PRKAR1B: variants seen among roughly 807,000 people sequenced by gnomAD.
PRKAR1B encodes protein kinase cAMP-dependent type I regulatory subunit beta.
In PRKAR1B, 22 loss-of-function variants were observed where a neutral mutation model predicts 46.5. The ratio of observed to expected loss-of-function variants is 0.47; its 90% confidence interval spans 0.34 to 0.68. PRKAR1B has a LOEUF of 0.68. Among genes scored for constraint, PRKAR1B ranks in the 30% least tolerant of loss-of-function variants. PRKAR1B has a pLI of 0.01. For missense variants in PRKAR1B, 445 were observed against 535.6 expected (o/e 0.83, Z 1.67); for synonymous variants, 259 against 217.7 (o/e 1.19, Z -1.67).
rs1784533153 is a variant in PRKAR1B, at chr7:644,454, C to T, written c.440+32775G>A. Among the ~76,000 whole-genome samples, 2 of 152,132 alleles carry T rather than the reference C, an allele frequency of 1.3e-5. No homozygotes were observed. The highest frequency in any genetic ancestry group is 4.8e-5 in the African/African-American group (2 of 41,430). On this transcript the variant is annotated intron_variant, in intron 4 of 10. Coordinates refer to ENST00000537384, the MANE Select transcript of PRKAR1B (RefSeq NM_001164760.2). The surrounding 1 kb of genome is among the most constrained non-coding windows in gnomAD (Gnocchi z 4.9). ...CTCCACGGGAAGCCCTCTCTGCCTGCAGGCTCTTGCATCAGGAGGGAAGCC... is the reference window on the plus strand; with the variant it reads ...CTCCACGGGAAGCCCTCTCTGCCTGTAGGCTCTTGCATCAGGAGGGAAGCC...
chr7:703,598 G>A (rs2128523659), intron 2 of PRKAR1B, among the ~76,000 whole-genome samples: 1 of 151,456 alleles, frequency 6.6e-6, no homozygotes, highest in South Asian at 2.1e-4. Context: ...GGAGCTTGGA[G>A]TGAGCCGAGA....
chr7:633,870 T>C (rs1255124673), intron 4 of PRKAR1B, among the ~76,000 whole-genome samples: 1 of 152,084 alleles, frequency 6.6e-6, no homozygotes, highest in African/African-American at 2.4e-5. Context: ...ACCCAAGACC[T>C]TGTAAACCAC....
At chr7:642,496 C>T (rs1234630579) in intron 4 of PRKAR1B, among the ~76,000 whole-genome samples, 2 of 152,082 alleles carry the variant, frequency 1.3e-5, no homozygotes, top group South Asian at 2.1e-4. Flanking sequence ...GGGGCCGAGG[C>T]GGGCGGATCA....
chr7:582,442 T>C (rs1255428226), intron 8 of PRKAR1B, among the ~76,000 whole-genome samples: 1 of 152,254 alleles, frequency 6.6e-6, no homozygotes, highest in African/African-American at 2.4e-5. Flanking sequence ...TTGGAGGACT[T>C]TGTGCCGATG....
rs1340104452 is a variant in PRKAR1B, at chr7:644,794, T to C, written c.440+32435A>G. 6.6e-6 allele frequency among the ~76,000 whole-genome samples: 1 copy of C among 152,098 alleles called. No individual in the cohort carries two copies. Among genetic ancestry groups the C allele is most frequent in the Admixed American group, 6.5e-5 (1 of 15,276 alleles). ...CTTCCCCCAGACACCTCCCATAGCC[T>C]TCCAGGGAAGCGGGCCCCAAAGAGG... On this transcript the variant is annotated intron_variant, in intron 4 of 10. Transcript: ENST00000537384. This position sits in a 1 kb window ranked among gnomAD's most constrained non-coding sequence, Gnocchi z 4.9.
At chr7:600,586 CG>C (rs1428094609) in intron 6 of PRKAR1B, among the ~76,000 whole-genome samples, 1 of 152,242 alleles carries the variant, frequency 6.6e-6, no homozygotes, top group Non-Finnish European at 1.5e-5. Flanking sequence ...CGCCCTGCTC[CG>C]GGGTACACCC....
At chr7:599,989 G>T (rs1468492075) in intron 6 of PRKAR1B, among the ~76,000 whole-genome samples, 1 of 151,166 alleles carries the variant, frequency 6.6e-6, no homozygotes, top group Non-Finnish European at 1.5e-5. Flanking sequence ...ACCTTCACTC[G>T]CTCACCCTCT....
At chr7:559,278 C>G (rs1430048500) in intron 9 of PRKAR1B, among the ~76,000 whole-genome samples, 1 of 152,176 alleles carries the variant, frequency 6.6e-6, no homozygotes, top group Non-Finnish European at 1.5e-5. Context: ...AAAGTGGCCT[C>G]TGAGCTGAGA....
intron 2 of PRKAR1B, among the ~76,000 whole-genome samples, chr7:695,411 T>A (rs1413912975): frequency 2.0e-5 from 3 of 152,272 alleles, no homozygotes; most frequent in African/African-American, 4.8e-5. Flanking sequence ...GGGTGGAATC[T>A]AAGAGAGAGC....
At chr7:583,682 C>T (rs1265289432) in intron 8 of PRKAR1B, among the ~76,000 whole-genome samples, 1 of 129,910 alleles carries the variant, frequency 7.7e-6, no homozygotes, top group Non-Finnish European at 1.7e-5. Flanking sequence ...ACACAACCCA[C>T]ACGGTGCACT....
Position 582,949 on chromosome 7 carries a change from C to T in PRKAR1B, c.769+1559G>A, listed in dbSNP as rs547634389. Among the ~76,000 whole-genome samples, 3 of 152,320 alleles carry T rather than the reference C, an allele frequency of 2.0e-5. No homozygotes were observed. The South Asian group carries it at 6.2e-4, about 32-fold the overall frequency. On this transcript the variant is annotated intron_variant, in intron 8 of 10. Transcript: ENST00000537384. ...CAAGTATGACATTTTCAAAATGGCACTAGAATTAAAACCAGACACAAAGCC... is the reference window on the plus strand; with the variant it reads ...CAAGTATGACATTTTCAAAATGGCATTAGAATTAAAACCAGACACAAAGCC...
intron 8 of PRKAR1B, among the ~76,000 whole-genome samples, chr7:581,031 C>T (rs1057197364): frequency 2.0e-5 from 3 of 152,106 alleles, no homozygotes; most frequent in African/African-American, 4.8e-5. Flanking sequence ...CAGCTGGGCG[C>T]GGTGGCTCAC....
chr7:573,215 G>A (rs1484782938), intron 9 of PRKAR1B, among the ~76,000 whole-genome samples: 2 of 152,232 alleles, frequency 1.3e-5, no homozygotes, highest in Non-Finnish European at 2.9e-5. Context: ...TTGCCAAGGA[G>A]ACCCTTTCAA....
intron 6 of PRKAR1B, among the ~76,000 whole-genome samples, chr7:597,297 TG>T (rs1005319888): frequency 6.6e-6 from 1 of 152,228 alleles, no homozygotes; most frequent in African/African-American, 2.4e-5. Flanking sequence ...GTCTTCTATC[TG>T]AAAGAAAAGG....
At chr7:722,684 T>C (rs527989045) in intron 1 of PRKAR1B, among the ~76,000 whole-genome samples, 3 of 152,256 alleles carry the variant, frequency 2.0e-5, no homozygotes, top group Admixed American at 2.0e-4. Flanking sequence ...TTCTTATGAC[T>C]CTGCTTTAAA....
chr7:580,321 A>G (rs1780100402), intron 8 of PRKAR1B, among the ~76,000 whole-genome samples: 2 of 151,926 alleles, frequency 1.3e-5, no homozygotes, highest in African/African-American at 4.8e-5. Flanking sequence ...TGGGAGGCTG[A>G]GGTGGGTGGA....
chr7:596,417 G>A lies in PRKAR1B; in HGVS notation c.550-113C>T, dbSNP rs555308423. On this transcript the variant is annotated intron_variant, in intron 6 of 10. Transcript: ENST00000537384. The stretch of plus-strand genomic sequence containing the variant: ...TCCAGAAGAGGGTCCCCGCAGGGCG[G>A]GGCACAAGCCCTTTCGCTTGTGGGC... 475 of 1,318,634 alleles carry A rather than the reference G, an allele frequency of 3.6e-4. 3 individuals are homozygous for A. The African/African-American group carries it at 6.5e-3, about 18-fold the overall frequency. 81.7% of individuals were successfully genotyped at this position (1,318,634 alleles called of 1,614,324 possible). A position where few individuals can be genotyped will look rare whatever the true frequency, so the allele number is the denominator to read the frequency against.
intron 1 of PRKAR1B, among the ~76,000 whole-genome samples, chr7:724,905 A>T (rs1376322859): frequency 6.6e-6 from 1 of 152,230 alleles, no homozygotes; most frequent in Admixed American, 6.5e-5. Context: ...TGAATATGCT[A>T]CATAACAACT....
At chr7:588,538 T>C (rs1424050318) in intron 7 of PRKAR1B, among the ~76,000 whole-genome samples, 7 of 3,756 alleles carry the variant, frequency 1.9e-3, no homozygotes, top group African/African-American at 8.1e-3. Context: ...ACGGTGGTGA[T>C]GGTGGTGACG....
Sources: gnomAD v4.1 joint callset for allele counts (sites outside exome capture counted in the v4.1 genomes callset) on GRCh38, gnomAD v4.1.1 for gene constraint, Gnocchi (gnomAD v3.1) non-coding constraint, MANE v1.5 for transcripts, NCBI Gene and HGNC (gene_info 2026-07-23, HGNC 2026-07-21) for gene names.